The following CD28 variants were observed in gnomAD, a reference collection of about 807,000 sequenced individuals.
The protein encoded by CD28 is CD28 molecule, also known as T-cell-specific surface glycoprotein CD28.
A neutral mutation model predicts 21.4 loss-of-function variants in CD28; 8 were observed. The ratio of observed to expected loss-of-function variants is 0.37; its 90% CI spans 0.22 to 0.68. The LOEUF (loss-of-function observed/expected upper bound fraction) is 0.68. Among genes scored for constraint, CD28 ranks in the 30% least tolerant of loss-of-function variants. CD28 has a pLI of 0.55. For synonymous variants in CD28, 106 were observed against 104.0 expected (o/e 1.02, Z -0.12); for missense variants, 239 against 272.2 (o/e 0.88, Z 0.86).
intron 3 of CD28, among the ~76,000 whole-genome samples, chr2:203,734,480 T>A (rs1693974029): frequency 6.6e-6 from 1 of 152,246 alleles, no homozygotes; most frequent in Non-Finnish European, 1.5e-5. Flanking sequence ...GGCCTTCAAG[T>A]GTATTTACAT....
intron 1 of CD28, among the ~76,000 whole-genome samples, chr2:203,713,888 A>AGTGTGT (rs140297564): frequency 4.1e-5 from 6 of 145,238 alleles, no homozygotes; most frequent in Non-Finnish European, 9.1e-5. Context: ...AGAGAGAGAG[A>AGTGTGT]GTGTGTGTGT....
intron 1 of CD28, among the ~76,000 whole-genome samples, chr2:203,712,590 T>C (rs1179215960): frequency 1.3e-5 from 2 of 152,354 alleles, no homozygotes; most frequent in Non-Finnish European, 2.9e-5. Flanking sequence ...GGCAGAATCA[T>C]GTCTTATTCA....
intron 1 of CD28, among the ~76,000 whole-genome samples, chr2:203,715,644 T>G (rs1693444041): frequency 6.6e-6 from 1 of 152,156 alleles, no homozygotes; most frequent in South Asian, 2.1e-4. Context: ...ACATATGAAC[T>G]TCCTAATGTA....
intron 2 of CD28, among the ~76,000 whole-genome samples, chr2:203,727,789 C>T (rs1376502756): frequency 6.6e-6 from 1 of 152,118 alleles, no homozygotes; most frequent in African/African-American, 2.4e-5. Context: ...ATGCCATTCT[C>T]CTGCCTCAGC....
rs186066085 is a variant in CD28 at position 203,717,492 on chromosome 2, C to G, written c.53-9141C>G. Among the ~76,000 whole-genome samples, 5 of 152,284 alleles carry G rather than the reference C, an allele frequency of 3.3e-5. No homozygotes were observed. The East Asian group carries it at 9.6e-4, about 29-fold the overall frequency. ...GCAAGTCACAGGCTCTGGCACTACC[C>G]CTCGTGGTTCTGCTCTTGCCACACC... On this transcript the variant is annotated intron_variant, in intron 1 of 3. Transcript: ENST00000324106.
Position 203,735,077 on chromosome 2 carries a change from T to A in CD28, c.*165T>A. The A allele has an allele frequency of 1.4e-6, 1 of 730,008 alleles. No homozygotes were observed. Among genetic ancestry groups the A allele is most frequent in the Non-Finnish European group, 2.2e-6 (1 of 454,568 alleles). 45.2% of individuals were successfully genotyped at this position (730,008 alleles called of 1,614,324 possible). On this transcript the variant is annotated 3_prime_UTR_variant, in exon 4 of 4. Transcript: ENST00000324106. Reference sequence around the variant, plus strand: ...ACTAGACCAAATATCAAGATCATTTTGAGACTCTGAAATGAAGTAAAAGAG... The same window carrying A: ...ACTAGACCAAATATCAAGATCATTTAGAGACTCTGAAATGAAGTAAAAGAG...
intron 1 of CD28, among the ~76,000 whole-genome samples, chr2:203,710,548 G>T (rs756358782): frequency 6.6e-6 from 1 of 152,042 alleles, no homozygotes; most frequent in Non-Finnish European, 1.5e-5. Context: ...CCTTTTTAAC[G>T]TCTTATGCCT....
intron 1 of CD28, among the ~76,000 whole-genome samples, chr2:203,716,251 C>T (rs560943981): frequency 6.6e-6 from 1 of 152,268 alleles, no homozygotes; most frequent in Admixed American, 6.5e-5. Flanking sequence ...TGCCCCAGAC[C>T]TTATGGCCCA....
chr2:203,727,006 C>T lies in CD28; in HGVS notation c.409+17C>T, dbSNP rs1255154569. The T allele has an allele frequency of 1.0e-5, 15 of 1,429,882 alleles. No homozygotes were observed. The highest frequency in any genetic ancestry group is 1.7e-5 in the Admixed American group (1 of 59,452). The allele number at this position is 1,429,882 out of a possible 1,614,324, so 88.6% of individuals were successfully genotyped here. ...ATGTGAAAGGTAACATACAACTTTA[C>T]CAGTGTACCACCCTAAAGTAATGGT... On this transcript the variant is annotated intron_variant, in intron 2 of 3. Coordinates refer to ENST00000324106, the MANE Select transcript of CD28 (RefSeq NM_006139.4).
At chr2:203,710,165 C>A (rs1378397756) in intron 1 of CD28, among the ~76,000 whole-genome samples, 1 of 152,222 alleles carries the variant, frequency 6.6e-6, no homozygotes, top group African/African-American at 2.4e-5. Flanking sequence ...GCCGTATTTA[C>A]ATGACTTCCA....
intron 3 of CD28, among the ~76,000 whole-genome samples, chr2:203,734,074 T>C (rs1693963744): frequency 1.3e-5 from 2 of 152,250 alleles, no homozygotes. Context: ...AGATGTTTTC[T>C]GGGTCATTTG....
At chr2:203,727,968 C>T (rs553900076) in intron 2 of CD28, among the ~76,000 whole-genome samples, 9 of 152,200 alleles carry the variant, frequency 5.9e-5, no homozygotes, top group Admixed American at 1.3e-4. Context: ...TGAGCCACCG[C>T]GCCCAGCCAT....
intron 1 of CD28, among the ~76,000 whole-genome samples, chr2:203,717,548 C>T (rs1006907497): frequency 6.6e-6 from 1 of 152,248 alleles, no homozygotes; most frequent in African/African-American, 2.4e-5. Context: ...AAATAACCTT[C>T]CTACTCTTGC....
intron 1 of CD28, among the ~76,000 whole-genome samples, chr2:203,718,551 G>A (rs1003907289): frequency 1.4e-4 from 21 of 152,158 alleles, no homozygotes; most frequent in Non-Finnish European, 2.2e-4. Flanking sequence ...AAGGAAACAA[G>A]ATAATTAGAA....
rs2106129811 is a variant in CD28 at position 203,738,632 on chromosome 2, T to A, written c.*3720T>A. ...GGGCCTTTACATGTCCTGTTTACTC[T>A]GTCTAGAATGTCCTTCTGTAGATGA... is the stretch of plus-strand genomic sequence containing the variant. On this transcript the variant is annotated 3_prime_UTR_variant, in exon 4 of 4. Coordinates refer to ENST00000324106, the MANE Select transcript of CD28 (RefSeq NM_006139.4). The A allele has an allele frequency of 6.6e-6, 1 of 152,342 alleles. No individual in the cohort carries two copies. Among genetic ancestry groups the A allele is most frequent in the East Asian group, 1.9e-4 (1 of 5,186 alleles). 9.4% of individuals were successfully genotyped at this position (152,342 alleles called of 1,614,324 possible).
At chr2:203,725,693 C>T (rs1480302020) in intron 1 of CD28, among the ~76,000 whole-genome samples, 1 of 152,032 alleles carries the variant, frequency 6.6e-6, no homozygotes, top group Admixed American at 6.6e-5. Flanking sequence ...AGATAACTCC[C>T]CTCTGGAGTC....
In CD28 at chr2:203,738,462, C is replaced by T. The variant is rs138674916; in HGVS notation, c.*3550C>T. The T allele has an allele frequency of 3.3e-5, 5 of 152,280 alleles. No individual in the cohort carries two copies. In the East Asian group the frequency reaches 7.7e-4, roughly 23 times the overall value. The allele number at this position is 152,280 out of a possible 1,614,324, so 9.4% of individuals were successfully genotyped here. A position where few individuals can be genotyped will look rare whatever the true frequency, so the allele number is the denominator to read the frequency against. Reference sequence around the variant, plus strand: ...TCAAAGAGAGTGACACACACTCTCTCAAGACCTGGGGTGAGGGAGTCTGTG... The same window carrying T: ...TCAAAGAGAGTGACACACACTCTCTTAAGACCTGGGGTGAGGGAGTCTGTG... On this transcript the variant is annotated 3_prime_UTR_variant, in exon 4 of 4. Transcript: ENST00000324106.
intron 2 of CD28, among the ~76,000 whole-genome samples, chr2:203,727,954 G>GCCCCC: frequency 6.6e-6 from 1 of 152,148 alleles, no homozygotes; most frequent in Non-Finnish European, 1.5e-5. Flanking sequence ...TGGGATTACA[G>GCCCCC]GCGTGAGCCA....
chr2:203,730,987 G>A (rs1053017537), intron 3 of CD28, among the ~76,000 whole-genome samples: 3 of 152,266 alleles, frequency 2.0e-5, no homozygotes, highest in South Asian at 2.1e-4. Flanking sequence ...TTGGCCTATT[G>A]CCAAAGCTTA....
Sources: gnomAD v4.1 joint callset for allele counts (sites outside exome capture counted in the v4.1 genomes callset) on GRCh38, gnomAD v4.1.1 for gene constraint, MANE v1.5 for transcripts, NCBI Gene and HGNC (gene_info 2026-07-23, HGNC 2026-07-21) for gene names.